Variants in CLPP observed in about 807,000 individuals in gnomAD.
The protein encoded by CLPP is caseinolytic mitochondrial matrix peptidase proteolytic subunit.
Under a neutral mutation model 27.4 loss-of-function variants are expected in CLPP, and 14 were observed. The observed-to-expected ratio is 0.51, with a 90% confidence interval of 0.34 to 0.80. The LOEUF (loss-of-function observed/expected upper bound fraction) is 0.80. Ranked by LOEUF, CLPP falls within the 30% of genes least tolerant of loss-of-function variation. The probability of loss-of-function intolerance (pLI) is 0.02; values close to 1 mark genes in which losing one functional copy is unlikely to be tolerated. For missense variants in CLPP, 361 were observed against 403.6 expected (o/e 0.89, Z 0.90); for synonymous variants, 193 against 166.6 (o/e 1.16, Z -1.22).
chr19:6,362,518 A>T lies in CLPP; in HGVS notation c.343A>T (p.Ile115Phe), dbSNP rs1228876467. The T allele has an allele frequency of 1.2e-5, 19 of 1,613,742 alleles. No homozygotes were observed. The highest frequency in any genetic ancestry group is 1.6e-5 in the Non-Finnish European group (19 of 1,179,778). Residue 115 changes from isoleucine to phenylalanine, a missense_variant, in exon 3 of 6, where the codon ATC (isoleucine) becomes TTC (phenylalanine). This residue lies in a region of CLPP where 213 missense variants were observed against 280.9 expected (regional missense o/e 0.76). Coordinates refer to ENST00000245816, the MANE Select transcript of CLPP (RefSeq NM_006012.4). ...FLQSESNKKP[I>F]HMYINSPGGV... is the part of the protein sequence containing the mutation. ...GCAATCCGAGAGCAACAAGAAGCCC[A>T]TCCACATGTACATCAACAGCCCTGG... is the stretch of plus-strand genomic sequence containing the variant.
Position 6,361,628 on chromosome 19 carries a change from C to T in CLPP, c.54C>T (p.Pro18=), listed in dbSNP as rs1053452942. ...CCCGGGTGGCGTCATGCAGGTACCC[C>T]GCGCTGGGGCCTCGCCTCGCCGCTC... ...GGARVASCRY[P]ALGPRLAAHF... The change falls in exon 1 of 6, where the codon CCC becomes CCT. Residue 18 remains proline (P), a synonymous_variant. Transcript: ENST00000245816. The T allele has an allele frequency of 2.1e-6, 3 of 1,423,934 alleles. No individual in the cohort carries two copies. The highest frequency in any genetic ancestry group is 1.5e-5 in the South Asian group (1 of 64,604). 88.2% of individuals were successfully genotyped at this position (1,423,934 alleles called of 1,614,324 possible). A position where few individuals can be genotyped will look rare whatever the true frequency, so the allele number is the denominator to read the frequency against.
At chr19:6,365,686 T>A (rs79676004) in intron 4 of CLPP, among the ~76,000 whole-genome samples, 5,011 of 150,534 alleles carry the variant, frequency 0.033, 282 homozygotes, top group African/African-American at 0.12. Context: ...CGGGCATGGT[T>A]ATGCTTGCCT....
chr19:6,366,575 C>T (rs981726322), intron 5 of CLPP, among the ~76,000 whole-genome samples: 7 of 152,006 alleles, frequency 4.6e-5, no homozygotes, highest in African/African-American at 9.7e-5. Context: ...TCCAGTTACT[C>T]GGGAGGCTGA....
intron 3 of CLPP, among the ~76,000 whole-genome samples, chr19:6,363,046 A>C (rs1487869999): frequency 6.6e-6 from 1 of 152,114 alleles, no homozygotes; most frequent in Admixed American, 6.6e-5. Flanking sequence ...GCCCATCTCA[A>C]AAATAATCAT....
chr19:6,364,598 A>G lies in CLPP; in HGVS notation c.514A>G (p.Asn172Asp). The G allele has an allele frequency of 1.2e-6, 2 of 1,612,876 alleles. No individual in the cohort carries two copies. The highest frequency in any genetic ancestry group is 1.7e-6 in the Non-Finnish European group (2 of 1,179,864). The change falls in exon 4 of 6, where the codon AAC becomes GAC. Residue 172 changes from asparagine to aspartate, a missense_variant. Physicochemically the swap from Asn to Asp is conservative, Grantham distance 23. Transcript: ENST00000245816. ...CCCAGGCATGCGCCACTCGCTCCCC[A>G]ACTCCCGTATCATGATCCACCAGCC... ...GTPGMRHSLPNSRIMIHQPSG... is the reference protein window; with the variant it reads ...GTPGMRHSLPDSRIMIHQPSG...
intron 3 of CLPP, among the ~76,000 whole-genome samples, chr19:6,363,020 G>A (rs1006026531): frequency 8.5e-5 from 13 of 152,184 alleles, no homozygotes; most frequent in African/African-American, 2.4e-4. Context: ...AGCCCAGGAG[G>A]TCGAGGCTGT....
rs191643485 is a variant in CLPP at position 6,369,471 on chromosome 19, G to C, written c.*761G>C. ...GGCATGCAAGTGTGAGGGTAAGCGT[G>C]TTACAGTTTTTTATGGGGTAATCAG... On this transcript the variant is annotated 3_prime_UTR_variant, in exon 6 of 6. Transcript: ENST00000245816. 1.3e-5 allele frequency among the ~76,000 whole-genome samples: 2 copies of C among 151,600 alleles called. No homozygotes were observed. Among genetic ancestry groups the C allele is most frequent in the East Asian group, 3.9e-4 (2 of 5,114 alleles).
chr19:6,369,931 G>A lies in CLPP; in HGVS notation c.*1221G>A, dbSNP rs2091880011. Among the ~76,000 whole-genome samples the A allele has an allele frequency of 2.0e-5, 3 of 152,204 alleles. No homozygotes were observed. The South Asian group carries it at 6.2e-4, about 31-fold the overall frequency. On this transcript the variant is annotated 3_prime_UTR_variant, in exon 6 of 6. Coordinates refer to ENST00000245816, the MANE Select transcript of CLPP (RefSeq NM_006012.4). ...CTATGACTCCTGAGGAGTGCACCAT[G>A]AGCAGAAACTGGAGAGCAGTTAGGA...
Position 6,370,070 on chromosome 19 carries a change from G to A in CLPP, c.*1360G>A, listed in dbSNP as rs1308331423. ...GAGCAGTTTCCAGAAACTCCGAGCTGATGGCCCAAAGCAGGAAGATGGAGA... is the reference window on the plus strand; with the variant it reads ...GAGCAGTTTCCAGAAACTCCGAGCTAATGGCCCAAAGCAGGAAGATGGAGA... On this transcript the variant is annotated 3_prime_UTR_variant, in exon 6 of 6. Coordinates refer to ENST00000245816, the MANE Select transcript of CLPP (RefSeq NM_006012.4). Among the ~76,000 whole-genome samples, 1 of 152,198 alleles carries A rather than the reference G, an allele frequency of 6.6e-6. No individual in the cohort carries two copies. The highest frequency in any genetic ancestry group is 1.5e-5 in the Non-Finnish European group (1 of 68,036).
In CLPP at chr19:6,368,835, G is replaced by A; in HGVS notation, c.*125G>A. The A allele has an allele frequency of 1.2e-6, 1 of 816,526 alleles. No homozygotes were observed. Among genetic ancestry groups the A allele is most frequent in the Non-Finnish European group, 1.9e-6 (1 of 531,482 alleles). The allele number at this position is 816,526 out of a possible 1,614,324, so 50.6% of individuals were successfully genotyped here. On this transcript the variant is annotated 3_prime_UTR_variant, in exon 6 of 6. Coordinates refer to ENST00000245816, the MANE Select transcript of CLPP (RefSeq NM_006012.4). ...TCTTGAGGAACTTTTAATTTGCAGG[G>A]GTGCCCGCTATGGACGGGGCATTCC...
At chr19:6,362,273 C>T (rs2091839210) in intron 2 of CLPP, 173 bp from the exon 3 acceptor site, 1 of 612,682 alleles carries the variant, frequency 1.6e-6, no homozygotes, top group Middle Eastern at 3.0e-4. Flanking sequence ...TCCAAACCCC[C>T]TGGGTCCTCT....
rs2091874559 is a variant in CLPP at position 6,368,852 on chromosome 19, G to A, written c.*142G>A. On this transcript the variant is annotated 3_prime_UTR_variant, in exon 6 of 6. Coordinates refer to ENST00000245816, the MANE Select transcript of CLPP (RefSeq NM_006012.4). ...TTTGCAGGGGTGCCCGCTATGGACGGGGCATTCCAGCTGAGACACTGTGAT... is the reference window on the plus strand; with the variant it reads ...TTTGCAGGGGTGCCCGCTATGGACGAGGCATTCCAGCTGAGACACTGTGAT... 1 of 683,832 alleles carries A rather than the reference G, an allele frequency of 1.5e-6. No homozygotes were observed. The highest frequency in any genetic ancestry group is 1.8e-5 in the African/African-American group (1 of 55,402). The allele number at this position is 683,832 out of a possible 1,614,324, so 42.4% of individuals were successfully genotyped here.
chr19:6,368,002 A>G (rs1276229610), intron 5 of CLPP, among the ~76,000 whole-genome samples: 1 of 152,144 alleles, frequency 6.6e-6, no homozygotes, highest in South Asian at 2.1e-4. Context: ...AAGTGCTGGG[A>G]TTACAAGTGT....
intron 4 of CLPP, 40 bp downstream of exon 4, chr19:6,364,679 C>T: frequency 6.3e-7 from 1 of 1,582,212 alleles, no homozygotes. Flanking sequence ...GGAATCAGGA[C>T]AGGGTCTAGA....
At chr19:6,363,337 G>A (rs2091845784) in intron 3 of CLPP, among the ~76,000 whole-genome samples, 1 of 151,938 alleles carries the variant, frequency 6.6e-6, no homozygotes, top group African/African-American at 2.4e-5. Context: ...ATGTTAGGCT[G>A]GTCTTGAACT....
At chr19:6,362,424 C>A in intron 2 of CLPP, 22 bp from the exon 3 acceptor site, 2 of 1,582,838 alleles carry the variant, frequency 1.3e-6, no homozygotes, top group Non-Finnish European at 8.7e-7. Context: ...TCTGGGGACA[C>A]CCCTGCCCTC....
In CLPP at chr19:6,361,734, C is replaced by G; in HGVS notation, c.160C>G (p.Arg54Gly). Reference sequence around the variant, plus strand: ...GCGGTGCCTGCACGCGACGGCGACCCGGGCTCTCCCGCTCATTCCCATCGT... The same window carrying G: ...GCGGTGCCTGCACGCGACGGCGACCGGGGCTCTCCCGCTCATTCCCATCGT... ...LQRCLHATAT[R>G]ALPLIPIVVE... is the part of the protein sequence containing the mutation. The change falls in exon 1 of 6, where the codon CGG becomes GGG. Residue 54 changes from arginine to glycine, a missense_variant. Coordinates refer to ENST00000245816, the MANE Select transcript of CLPP (RefSeq NM_006012.4). 6.7e-7 allele frequency: 1 copy of G among 1,502,296 alleles called. No individual in the cohort carries two copies. Among genetic ancestry groups the G allele is most frequent in the Admixed American group, 2.1e-5 (1 of 48,144 alleles). The allele number at this position is 1,502,296 out of a possible 1,614,324, so 93.1% of individuals were successfully genotyped here.
rs1239745934 is a variant in CLPP at position 6,369,371 on chromosome 19, C to T, written c.*661C>T. Reference sequence around the variant, plus strand: ...GTGGAGGTTGCAGTGAGCAGGATCACGCCACTGCCCTTTAGCCTGGGCAAC... The same window carrying T: ...GTGGAGGTTGCAGTGAGCAGGATCATGCCACTGCCCTTTAGCCTGGGCAAC... On this transcript the variant is annotated 3_prime_UTR_variant, in exon 6 of 6. Transcript: ENST00000245816. Among the ~76,000 whole-genome samples the T allele has an allele frequency of 2.0e-5, 3 of 150,514 alleles. No individual in the cohort carries two copies. Among genetic ancestry groups the T allele is most frequent in the South Asian group, 4.2e-4 (2 of 4,784 alleles).
intron 5 of CLPP, among the ~76,000 whole-genome samples, chr19:6,368,216 G>A (rs2145055175): frequency 6.6e-6 from 1 of 152,260 alleles, no homozygotes; most frequent in Admixed American, 6.5e-5. Flanking sequence ...CAGGGTGCCA[G>A]CTGATTCGGT....
Sources: gnomAD v4.1 joint callset for allele counts (sites outside exome capture counted in the v4.1 genomes callset) on GRCh38, gnomAD v4.1.1 for gene constraint, gnomAD v4.1.1 regional missense constraint, MANE v1.5 for transcripts, NCBI Gene and HGNC (gene_info 2026-07-23, HGNC 2026-07-21) for gene names.